ERI2: variants seen among roughly 807,000 people sequenced by gnomAD.
ERI2 encodes the protein ERI1 exoribonuclease 2.
In ERI2, 35 loss-of-function variants were observed where a neutral mutation model predicts 46.8. The observed-to-expected ratio is 0.75, with a 90% confidence interval of 0.57 to 0.99. ERI2 has a LOEUF of 0.99. ERI2 is among the 50% of genes least tolerant of loss of function. ERI2 has a pLI of 0.00. For synonymous variants in ERI2, 224 were observed against 271.0 expected (o/e 0.83, Z 1.70); for missense variants, 695 against 796.2 (o/e 0.87, Z 1.53).
At chr16:20,789,341 C>T in intron 10 of ERI2, 1 of 675,660 alleles carries the variant, frequency 1.5e-6, no homozygotes, top group Non-Finnish European at 2.6e-6. Context: ...GGAATAGGTA[C>T]ATGTCAAGTA....
At chr16:20,780,645 A>G (rs748474607) in exon 11 of ERI2, 24 of 1,613,554 alleles carry the variant, frequency 1.5e-5, no homozygotes, top group Admixed American at 1.3e-4. Context: ...GAGCTTCTCA[A>G]AATTTTTCAG....
chr16:20,793,945 T>G (rs2080662840), downstream of ERI2, among the ~76,000 whole-genome samples: 1 of 152,058 alleles, frequency 6.6e-6, no homozygotes, highest in Non-Finnish European at 1.5e-5. Flanking sequence ...ATAGGAAAGG[T>G]CTATAAGTGG....
chr16:20,792,808 G>T, downstream of ERI2: 1 of 673,902 alleles, frequency 1.5e-6, no homozygotes, highest in Non-Finnish European at 1.8e-6. Flanking sequence ...AATAAGTAGA[G>T]ATTTCAGGAA....
rs922121504 is a variant in ERI2 at position 20,797,194 on chromosome 16, AAAT to A, written c.*527_*529del. 38 of 1,256,682 alleles carry A rather than the reference AAAT, an allele frequency of 3.0e-5. No homozygotes were observed. In the African/African-American group the frequency reaches 5.8e-4, roughly 19 times the overall value. 77.8% of individuals were successfully genotyped at this position (1,256,682 alleles called of 1,614,324 possible). On this transcript the variant is annotated 3_prime_UTR_variant, in exon 9 of 9. Transcript: ENST00000357967. ...ATGTTCCTATCATTTCTTAATATAAAAATAATACCATCAATTGCTGATTAATTT... is the reference window on the plus strand; with the variant it reads ...ATGTTCCTATCATTTCTTAATATAAAAATACCATCAATTGCTGATTAATTT...
At chr16:20,791,041 G>T in intron 8 of ERI2, 2 of 1,143,868 alleles carry the variant, frequency 1.7e-6, no homozygotes, top group Non-Finnish European at 2.5e-6. Flanking sequence ...GGAAGAGTGA[G>T]AGGGACAGGG....
At position 20,797,962 on chromosome 16, in the gene ERI2, G is replaced by A. The variant is rs1205063160; in HGVS notation, c.1838C>T (p.Pro613Leu). The A allele has an allele frequency of 9.7e-6, 15 of 1,551,706 alleles. No individual in the cohort carries two copies. The East Asian group carries it at 1.2e-4, about 13-fold the overall frequency. Residue 613 changes from proline to leucine, a missense_variant, in exon 9 of 9, where the codon CCG becomes CTG. Transcript: ENST00000357967. ...SKRLVVSNNG[P>L]NHGKVFYCCP... ...ACAATAGAAGACTTTTCCATGGTTCGGTCCATTATTAGAAACAACAAGTCT... is the reference window on the plus strand; with the variant it reads ...ACAATAGAAGACTTTTCCATGGTTCAGTCCATTATTAGAAACAACAAGTCT...
chr16:20,806,354 C>T, intron 1 of ERI2, 54 bp downstream of exon 1: 2 of 1,546,116 alleles, frequency 1.3e-6, no homozygotes, highest in Non-Finnish European at 8.7e-7. Context: ...CTGCGGCCAA[C>T]GCCAGCGCTG....
At chr16:20,792,048 TCA>T (rs758989649), downstream of ERI2, 25 of 1,614,006 alleles carry the variant, frequency 1.5e-5, no homozygotes, top group Non-Finnish European at 2.1e-5. Flanking sequence ...AATTTCTATA[TCA>T]CTGGGGACAG....
chr16:20,802,759 T>G (rs1397326218), intron 4 of ERI2, 37 bp downstream of exon 4: 1 of 1,576,560 alleles, frequency 6.3e-7, no homozygotes, highest in Admixed American at 1.8e-5. Flanking sequence ...ATTTTCTTTT[T>G]GAAACTGACT....
chr16:20,806,426 G>A lies in ERI2; in HGVS notation c.5C>T (p.Ala2Val). Residue 2 changes from alanine (A) to valine (V), a missense_variant, in exon 1 of 9, where the codon GCG becomes GTG. Physicochemically the swap from Ala to Val is moderately conservative, Grantham distance 64. Coordinates refer to ENST00000357967, the MANE Select transcript of ERI2 (RefSeq NM_001142725.2). The stretch of plus-strand genomic sequence containing the variant: ...CGAGTACCGCGCGAGCCGCTTGGTC[G>A]CCATTCCCGACACTCCTTGCTTTTC... M[A>V]TKRLARQLGL... 1 of 1,552,948 alleles carries A rather than the reference G, an allele frequency of 6.4e-7. No individual in the cohort carries two copies. The highest frequency in any genetic ancestry group is 8.7e-7 in the Non-Finnish European group (1 of 1,148,072).
chr16:20,799,453 T>G lies in ERI2; in HGVS notation c.644-102A>C, dbSNP rs2080772511. 3.5e-6 allele frequency: 4 copies of G among 1,143,946 alleles called. No individual in the cohort carries two copies. The South Asian group carries it at 4.6e-5, about 13-fold the overall frequency. The allele number at this position is 1,143,946 out of a possible 1,614,324, so 70.9% of individuals were successfully genotyped here. Reference sequence around the variant, plus strand: ...AGAAAAACACCACTTGTGTAGAAATTGGAACACAGTTTTAGTTTTATGACC... The same window carrying G: ...AGAAAAACACCACTTGTGTAGAAATGGGAACACAGTTTTAGTTTTATGACC... On this transcript the variant is annotated intron_variant, in intron 7 of 8. Transcript: ENST00000357967.
chr16:20,786,178 G>A (rs1207780330), intron 10 of ERI2: 1 of 1,607,780 alleles, frequency 6.2e-7, no homozygotes, highest in East Asian at 2.3e-5. Flanking sequence ...TCCCCTTCCA[G>A]GAGAATGTTT....
chr16:20,797,932 G>C lies in ERI2; in HGVS notation c.1868C>G (p.Pro623Arg). The change falls in exon 9 of 9, where the codon CCT (proline) becomes CGT (arginine). Residue 623 changes from proline (P) to arginine (R), a missense_variant. By Grantham distance (103) the Pro-to-Arg change is moderately radical. Transcript: ENST00000357967. The stretch of plus-strand genomic sequence containing the variant: ...TCTGTTTTCTTGGTATTTCCCGATA[G>C]GGCAACAATAGAAGACTTTTCCATG... ...PNHGKVFYCC[P>R]IGKYQENRKC... The C allele has an allele frequency of 6.4e-7, 1 of 1,551,800 alleles. No homozygotes were observed. The highest frequency in any genetic ancestry group is 8.7e-7 in the Non-Finnish European group (1 of 1,146,956).
chr16:20,787,108 C>T (rs1294263962), intron 10 of ERI2, among the ~76,000 whole-genome samples: 1 of 152,172 alleles, frequency 6.6e-6, no homozygotes, highest in South Asian at 2.1e-4. Flanking sequence ...TCAGATCAAC[C>T]GAGCTTCAAA....
intron 8 of ERI2, 87 bp from the exon 9 acceptor site, chr16:20,799,154 A>G: frequency 6.7e-7 from 1 of 1,502,828 alleles, no homozygotes; most frequent in Admixed American, 2.3e-5. Context: ...AAAAAAGAGA[A>G]ATGTCATTGA....
downstream of ERI2, among the ~76,000 whole-genome samples, chr16:20,793,280 T>G (rs1596541401): frequency 6.6e-6 from 1 of 151,794 alleles, no homozygotes; most frequent in Non-Finnish European, 1.5e-5. Context: ...ACAAGCCTGG[T>G]CAACATGGTG....
chr16:20,780,956 T>C, intron 10 of ERI2: 1 of 1,614,066 alleles, frequency 6.2e-7, no homozygotes, highest in East Asian at 2.2e-5. Flanking sequence ...ACATCAGGGC[T>C]ACTCTTTGTT....
chr16:20,790,552 A>C lies in ERI2; in HGVS notation c.815+298T>G, dbSNP rs1452063173. ...TATTTAAGCTGCGACATTAAACAAA[A>C]ATTTCCTTAAATAAATTGTTCTATT... On this transcript the variant is annotated intron_variant, in intron 9 of 10. Transcript: ENST00000300005. This position sits in a 1 kb window ranked among gnomAD's most constrained non-coding sequence, Gnocchi z 4.0. 2.5e-6 allele frequency: 4 copies of C among 1,575,624 alleles called. No homozygotes were observed. Among genetic ancestry groups the C allele is most frequent in the Non-Finnish European group, 3.5e-6 (4 of 1,152,366 alleles).
chr16:20,791,993 G>T, downstream of ERI2: 1 of 1,612,634 alleles, frequency 6.2e-7, no homozygotes, highest in South Asian at 1.1e-5. Flanking sequence ...AATGCTATTT[G>T]TTTTGCAGGA....
Sources: allele counts gnomAD v4.1 joint callset (sites outside exome capture counted in the v4.1 genomes callset), GRCh38; gene constraint gnomAD v4.1.1; non-coding constraint Gnocchi (gnomAD v3.1); transcripts MANE v1.5; gene names NCBI Gene and HGNC (gene_info 2026-07-23, HGNC 2026-07-21).